The following ZNF670 variants were observed in gnomAD, a reference collection of about 807,000 sequenced individuals.
ZNF670 encodes zinc finger protein 670.
A neutral mutation model predicts 10.9 loss-of-function variants in ZNF670; 7 were observed. That is an observed-to-expected ratio of 0.64 (90% CI 0.36 to 1.20). ZNF670 has a LOEUF of 1.20. Among genes scored for constraint, ZNF670 ranks in the 50% most tolerant of loss-of-function variants. The pLI, the probability that ZNF670 is intolerant of heterozygous loss-of-function variation, is 0.02. For synonymous variants in ZNF670, 136 were observed against 152.7 expected, an observed-to-expected ratio of 0.89 and a Z score of 0.81; for missense variants, 446 against 458.6, an observed-to-expected ratio of 0.97 and a Z score of 0.25.
At chr1:247,067,351 G>A (rs958045883) in intron 1 of ZNF670, among the ~76,000 whole-genome samples, 2 of 148,694 alleles carry the variant, frequency 1.3e-5, no homozygotes, top group Non-Finnish European at 3.0e-5. Context: ...CAGGAGAATC[G>A]CTTGAACCTG....
chr1:247,077,900 C>A (rs923118109), intron 1 of ZNF670, among the ~76,000 whole-genome samples: 1 of 152,284 alleles, frequency 6.6e-6, no homozygotes, highest in East Asian at 1.9e-4. Flanking sequence ...TGTACATACA[C>A]ACATGAATGA....
rs191477826 is a variant in ZNF670, at chr1:247,035,670, A to G, written c.*1779T>C. On this transcript the variant is annotated 3_prime_UTR_variant, in exon 4 of 4. Transcript: ENST00000366503. ...ATATTATATAGCTACTTATACACAT[A>G]TAAGTATACATGTAGACATGCTATA... 2.2e-3 allele frequency among the ~76,000 whole-genome samples: 332 copies of G among 152,356 alleles called. 2 individuals are homozygous for G. Among genetic ancestry groups the G allele is most frequent in the African/African-American group, 7.6e-3 (314 of 41,578 alleles).
chr1:247,039,885 CAGTT>C (rs1670264815), intron 1 of ZNF670, among the ~76,000 whole-genome samples: 1 of 152,184 alleles, frequency 6.6e-6, no homozygotes, highest in Non-Finnish European at 1.5e-5. Flanking sequence ...TTGTGTATAA[CAGTT>C]AGTATTAAGT....
At chr1:247,045,747 T>C (rs2642962) in intron 1 of ZNF670, among the ~76,000 whole-genome samples, 87,602 of 152,082 alleles carry the variant, frequency 0.58, 27,781 homozygotes, top group African/African-American at 0.84. Flanking sequence ...CTGGGTAACA[T>C]GCAGAAGCTG....
chr1:247,061,642 C>G (rs1389301499), intron 1 of ZNF670, among the ~76,000 whole-genome samples: 4 of 152,192 alleles, frequency 2.6e-5, no homozygotes, highest in Non-Finnish European at 1.5e-5. Context: ...AACGTAGGCT[C>G]TTCCACGTAG....
At chr1:247,077,039 C>CT (rs767929994) in intron 1 of ZNF670, among the ~76,000 whole-genome samples, 1 of 152,246 alleles carries the variant, frequency 6.6e-6, no homozygotes, top group Non-Finnish European at 1.5e-5. Flanking sequence ...ATTCCTTGTC[C>CT]TTTGAGATAG....
In ZNF670 at chr1:247,037,654, C is replaced by G. The variant is rs1447323542; in HGVS notation, c.965G>C (p.Ser322Thr). 1.2e-6 allele frequency: 2 copies of G among 1,613,984 alleles called. No individual in the cohort carries two copies. The highest frequency in any genetic ancestry group is 1.7e-6 in the Non-Finnish European group (2 of 1,179,972). The change falls in exon 4 of 4, where the codon AGT (serine) becomes ACT (threonine). Residue 322 changes from serine (S) to threonine (T), a missense_variant. By Grantham distance (58) the Ser-to-Thr change is moderately conservative (BLOSUM62 1). Transcript: ENST00000366503. ...AGTTCTTTCATGCTCACATAGGTTACTAGAATATTTGAAGGCTTTACCACA... is the reference window on the plus strand; with the variant it reads ...AGTTCTTTCATGCTCACATAGGTTAGTAGAATATTTGAAGGCTTTACCACA... ...KQCGKAFKYS[S>T]NLCEHERTHT...
chr1:247,064,713 C>G (rs909875006), intron 1 of ZNF670, among the ~76,000 whole-genome samples: 1 of 152,212 alleles, frequency 6.6e-6, no homozygotes, highest in African/African-American at 2.4e-5. Context: ...GGAGCCAGAC[C>G]TCTGCAATTC....
chr1:247,074,545 A>T (rs750635939), intron 1 of ZNF670, among the ~76,000 whole-genome samples: 10 of 152,108 alleles, frequency 6.6e-5, no homozygotes, highest in Non-Finnish European at 1.5e-4. Flanking sequence ...TTCTGAATTT[A>T]CTTTATTGCA....
At chr1:247,039,627 C>G (rs913036415) in intron 1 of ZNF670, 90 bp from the exon 2 acceptor site, 29 of 1,330,132 alleles carry the variant, frequency 2.2e-5, no homozygotes, top group Admixed American at 3.2e-5. Flanking sequence ...TAACATAATT[C>G]TGCAGACTTC....
intron 2 of ZNF670, 149 bp downstream of exon 2, chr1:247,039,262 T>C (rs1670248255): frequency 1.3e-6 from 1 of 795,500 alleles, no homozygotes. Flanking sequence ...GGTTTCACCA[T>C]GTTGGCCAGG....
intron 1 of ZNF670, among the ~76,000 whole-genome samples, chr1:247,059,725 T>C (rs759630374): frequency 2.0e-5 from 3 of 152,102 alleles, no homozygotes; most frequent in Non-Finnish European, 4.4e-5. Flanking sequence ...TGCAGATTAA[T>C]AGTTATTTGT....
intron 1 of ZNF670, 62 bp downstream of exon 1, chr1:247,078,532 C>A: frequency 6.2e-7 from 1 of 1,609,564 alleles, no homozygotes; most frequent in Non-Finnish European, 8.5e-7. Flanking sequence ...TCCGGGTTCG[C>A]CACAACCGCT....
At chr1:247,066,053 G>A (rs1670972987) in intron 1 of ZNF670, among the ~76,000 whole-genome samples, 1 of 152,108 alleles carries the variant, frequency 6.6e-6, no homozygotes, top group East Asian at 1.9e-4. Context: ...ACAGTACTCT[G>A]TGTGCAACAA....
chr1:247,043,292 G>T (rs1342129921), intron 1 of ZNF670: 10 of 630,200 alleles, frequency 1.6e-5, no homozygotes, highest in Non-Finnish European at 2.4e-5. Context: ...TACATTGTTT[G>T]GTCTGTGATA....
intron 1 of ZNF670, among the ~76,000 whole-genome samples, chr1:247,047,086 A>G (rs934226194): frequency 5.9e-5 from 9 of 151,620 alleles, no homozygotes; most frequent in African/African-American, 2.2e-4. Context: ...TGCAGGGTAC[A>G]GCCCCATTCC....
intron 1 of ZNF670, among the ~76,000 whole-genome samples, chr1:247,063,577 CAAAAAA>C (rs5782410): frequency 1.1e-5 from 1 of 93,282 alleles, no homozygotes; most frequent in Non-Finnish European, 2.1e-5. Flanking sequence ...AGCGAGACAC[CAAAAAA>C]AAAAAAAAAA....
intron 1 of ZNF670, among the ~76,000 whole-genome samples, chr1:247,060,911 A>C (rs1346941785): frequency 6.6e-6 from 1 of 152,146 alleles, no homozygotes; most frequent in East Asian, 1.9e-4. Context: ...GTTTCTTCCA[A>C]GTATTCATCT....
chr1:247,051,812 G>A (rs770970100), intron 1 of ZNF670, among the ~76,000 whole-genome samples: 17 of 148,364 alleles, frequency 1.1e-4, no homozygotes, highest in African/African-American at 3.5e-4. Context: ...TTGTTGCATC[G>A]GGTTAATTTG....
Sources: gnomAD v4.1 joint callset for allele counts (sites outside exome capture counted in the v4.1 genomes callset) on GRCh38, gnomAD v4.1.1 for gene constraint, MANE v1.5 for transcripts, NCBI Gene and HGNC (gene_info 2026-07-23, HGNC 2026-07-21) for gene names.